Variants in PDGFD observed in about 807,000 individuals in gnomAD.
PDGFD encodes platelet derived growth factor D.
Under a neutral mutation model 44.7 loss-of-function variants are expected in PDGFD, and 30 were observed. The observed-to-expected ratio is 0.67, with a 90% CI of 0.50 to 0.91. The LOEUF (loss-of-function observed/expected upper bound fraction) is 0.91. Ranked by LOEUF, PDGFD falls within the 40% of genes least tolerant of loss-of-function variation. PDGFD has a pLI of 0.00. For missense variants in PDGFD, 445 were observed against 457.8 expected (o/e 0.97, Z 0.25); for synonymous variants, 173 against 168.4 (o/e 1.03, Z -0.21).
intron 1 of PDGFD, among the ~76,000 whole-genome samples, chr11:104,011,857 T>TA (rs926248396): frequency 4.0e-5 from 6 of 151,202 alleles, no homozygotes; most frequent in East Asian, 3.9e-4. Flanking sequence ...TATTCTCTGG[T>TA]AAAAAAAAAT....
chr11:103,931,949 T>C (rs531582547), intron 5 of PDGFD, among the ~76,000 whole-genome samples: 1 of 152,300 alleles, frequency 6.6e-6, no homozygotes, highest in East Asian at 1.9e-4. Context: ...AGTAGGGCCA[T>C]GATGTTTTTG....
At position 104,154,363 on chromosome 11, in the gene PDGFD, T is replaced by G. The variant is rs534060944; in HGVS notation, c.124+9441A>C. ...CTTTATTTCTATCACCATTTGAAAT[T>G]TGTCATTTAGGAGTAGTTAAGACAA... On this transcript the variant is annotated intron_variant, in intron 1 of 6. Coordinates refer to ENST00000393158, the MANE Select transcript of PDGFD (RefSeq NM_025208.5). Among the ~76,000 whole-genome samples the G allele has an allele frequency of 3.3e-5, 5 of 152,306 alleles. No individual in the cohort carries two copies. The East Asian group carries it at 9.6e-4, about 29-fold the overall frequency.
At chr11:104,128,722 T>C (rs1463238963) in intron 1 of PDGFD, among the ~76,000 whole-genome samples, 3 of 152,188 alleles carry the variant, frequency 2.0e-5, no homozygotes, top group Admixed American at 1.3e-4. Flanking sequence ...TGTCAACTTA[T>C]TGACCTTTAA....
chr11:103,998,332 AT>A (rs1171073851), intron 2 of PDGFD, among the ~76,000 whole-genome samples: 1 of 152,160 alleles, frequency 6.6e-6, no homozygotes, highest in African/African-American at 2.4e-5. Flanking sequence ...ACAAGACATG[AT>A]TAGAGAGTTG....
chr11:104,092,825 A>G (rs1482901487), intron 1 of PDGFD, among the ~76,000 whole-genome samples: 1 of 152,192 alleles, frequency 6.6e-6, no homozygotes, highest in Non-Finnish European at 1.5e-5. Flanking sequence ...ATAGAATATG[A>G]TCATCTTGGG....
At chr11:103,939,536 A>T (rs1858549834) in intron 5 of PDGFD, among the ~76,000 whole-genome samples, 1 of 152,104 alleles carries the variant, frequency 6.6e-6, no homozygotes, top group Admixed American at 6.6e-5. Context: ...TCCTAATTGA[A>T]TACCCTTTAT....
chr11:104,098,251 A>G (rs1861313653), intron 1 of PDGFD, among the ~76,000 whole-genome samples: 1 of 152,140 alleles, frequency 6.6e-6, no homozygotes, highest in African/African-American at 2.4e-5. Flanking sequence ...ATTAGACACC[A>G]CAGCTACCCT....
chr11:104,029,143 G>T (rs1860088865), intron 1 of PDGFD, among the ~76,000 whole-genome samples: 1 of 152,162 alleles, frequency 6.6e-6, no homozygotes, highest in Non-Finnish European at 1.5e-5. Context: ...ACATCTTTCA[G>T]AATAGAGAGA....
intron 3 of PDGFD, among the ~76,000 whole-genome samples, chr11:103,953,353 C>T (rs1348575060): frequency 6.6e-6 from 1 of 151,914 alleles, no homozygotes; most frequent in South Asian, 2.1e-4. Flanking sequence ...AAAGCTTATA[C>T]AAGAGTATGT....
chr11:104,156,960 A>T lies in PDGFD; in HGVS notation c.124+6844T>A, dbSNP rs139133205. Among the ~76,000 whole-genome samples the T allele has an allele frequency of 2.1e-3, 317 of 152,314 alleles. 3 individuals are homozygous for T. The highest frequency in any genetic ancestry group is 7.4e-3 in the African/African-American group (306 of 41,572). Reference sequence around the variant, plus strand: ...TTTCCTTTTTGCTGTAATACTATATATTACCCCCTGTAGCTTTTTGCTGAA... The same window carrying T: ...TTTCCTTTTTGCTGTAATACTATATTTTACCCCCTGTAGCTTTTTGCTGAA... On this transcript the variant is annotated intron_variant, in intron 1 of 6. Transcript: ENST00000393158.
rs147877386 is a variant in PDGFD, at chr11:104,159,136, A to T, written c.124+4668T>A. 3.4e-3 allele frequency among the ~76,000 whole-genome samples: 499 copies of T among 145,010 alleles called. 2 individuals are homozygous for T. The highest frequency in any genetic ancestry group is 0.012 in the African/African-American group (469 of 38,888). The stretch of plus-strand genomic sequence containing the variant: ...CCACTGCACGCTAGCCTGGGTGACA[A>T]GAGGCAGACTCCATCTCAAAAAAAA... On this transcript the variant is annotated intron_variant, in intron 1 of 6. Transcript: ENST00000393158.
At chr11:104,152,894 T>C (rs1242068628) in intron 1 of PDGFD, among the ~76,000 whole-genome samples, 1 of 152,138 alleles carries the variant, frequency 6.6e-6, no homozygotes, top group Non-Finnish European at 1.5e-5. Flanking sequence ...TTAGGAAATA[T>C]CAGACATTAT....
chr11:103,938,679 T>C (rs1185405726), intron 5 of PDGFD, among the ~76,000 whole-genome samples: 1 of 152,258 alleles, frequency 6.6e-6, no homozygotes, highest in African/African-American at 2.4e-5. Flanking sequence ...AGGGATTTTA[T>C]GGTTTTAGGT....
At chr11:104,045,417 G>C (rs939034690) in intron 1 of PDGFD, among the ~76,000 whole-genome samples, 1 of 151,960 alleles carries the variant, frequency 6.6e-6, no homozygotes, top group Non-Finnish European at 1.5e-5. Context: ...TCATACTACA[G>C]CTGAAATTGA....
chr11:104,160,110 G>A (rs546715181), intron 1 of PDGFD, among the ~76,000 whole-genome samples: 2 of 152,208 alleles, frequency 1.3e-5, no homozygotes, highest in South Asian at 4.1e-4. Flanking sequence ...TTGTACTTAA[G>A]TCAGTGTGCT....
Position 103,926,995 on chromosome 11 carries a change from A to G in PDGFD, c.904T>C (p.Cys302Arg), listed in dbSNP as rs1274789665. The G allele has an allele frequency of 1.2e-6, 2 of 1,614,054 alleles. No individual in the cohort carries two copies. The highest frequency in any genetic ancestry group is 3.3e-5 in the Admixed American group (2 of 60,002). Residue 302 changes from cysteine (C) to arginine (R), a missense_variant, in exon 6 of 7, where the codon TGT (cysteine) becomes CGT (arginine). Transcript: ENST00000393158. ...FFPRCLLVQR[C>R]GGNCGCGTVN... ...GTTCCACAGCCACAATTTCCTCCAC[A>G]GCGCTGCACGAGGAGGCAACGTGGA...
At position 103,980,060 on chromosome 11, in the gene PDGFD, T is replaced by C. The variant is rs1049994224; in HGVS notation, c.510+16005A>G. The stretch of plus-strand genomic sequence containing the variant: ...ACTAATTAAAATCCACTTCCCTATC[T>C]AGGTTATCTCCTATGGCTAAATGAA... On this transcript the variant is annotated intron_variant, in intron 3 of 6. Coordinates refer to ENST00000393158, the MANE Select transcript of PDGFD (RefSeq NM_025208.5). Among the ~76,000 whole-genome samples the C allele has an allele frequency of 1.7e-4, 26 of 152,250 alleles. No homozygotes were observed. The East Asian group carries it at 2.1e-3, about 12-fold the overall frequency.
chr11:104,161,947 G>GAGAC (rs759122361), intron 1 of PDGFD, among the ~76,000 whole-genome samples: 2 of 134,518 alleles, frequency 1.5e-5, no homozygotes, highest in African/African-American at 5.5e-5. Flanking sequence ...ACTAATCAAA[G>GAGAC]AGAGTGTGTG....
chr11:103,960,776 G>A (rs886906898), intron 3 of PDGFD, among the ~76,000 whole-genome samples: 17 of 152,154 alleles, frequency 1.1e-4, no homozygotes, highest in Admixed American at 1.1e-3. Flanking sequence ...TAGAGGATGG[G>A]AAGTCCAAGA....
Sources: gnomAD v4.1 joint callset for allele counts (sites outside exome capture counted in the v4.1 genomes callset) on GRCh38, gnomAD v4.1.1 for gene constraint, MANE v1.5 for transcripts, NCBI Gene and HGNC (gene_info 2026-07-23, HGNC 2026-07-21) for gene names.